ACCSL: variants seen among roughly 807,000 people sequenced by gnomAD.
ACCSL encodes the protein probable inactive 1-aminocyclopropane-1-carboxylate synthase-like protein 2.
A neutral mutation model predicts 61.7 loss-of-function variants in ACCSL; 55 were observed. That is an observed-to-expected ratio of 0.89 (90% confidence interval 0.72 to 1.12). The LOEUF is 1.12. Among genes scored for constraint, ACCSL ranks in the 50% most tolerant of loss-of-function variants. ACCSL has a pLI of 0.00. For missense variants in ACCSL, 632 were observed against 698.0 expected (o/e 0.91, Z 1.07); for synonymous variants, 258 against 264.3 (o/e 0.98, Z 0.23).
intron 13 of ACCSL, 80 bp from the exon 14 acceptor site, chr11:44,059,757 AC>A: frequency 8.5e-7 from 1 of 1,181,186 alleles, no homozygotes; most frequent in Non-Finnish European, 1.2e-6. Flanking sequence ...TTTATGGTTG[AC>A]CATGACCTGG....
At chr11:44,037,089 T>C in the ACCSL span, among the ~76,000 whole-genome samples, 4 of 152,180 alleles carry the variant, frequency 2.6e-5, no homozygotes, top group African/African-American at 9.7e-5. Context: ...ATTCTCCTCC[T>C]TTCCCCATCT....
the ACCSL span, among the ~76,000 whole-genome samples, chr11:43,939,568 C>T: frequency 1.3e-5 from 2 of 151,204 alleles, no homozygotes; most frequent in Non-Finnish European, 2.9e-5. Flanking sequence ...GTGTCAATGG[C>T]ACCACCATCA....
At chr11:43,961,255 G>C in the ACCSL span, among the ~76,000 whole-genome samples, 2 of 152,062 alleles carry the variant, frequency 1.3e-5, no homozygotes, top group Non-Finnish European at 2.9e-5. Context: ...TGAAGATATG[G>C]TGTGCTTACT....
At chr11:43,942,071 T>TGCGC in the ACCSL span, among the ~76,000 whole-genome samples, 1 of 140,464 alleles carries the variant, frequency 7.1e-6, no homozygotes, top group African/African-American at 2.7e-5. Context: ...TGTGTGTGTG[T>TGCGC]GTGTGCGCGC....
At chr11:43,948,390 G>A in the ACCSL span, among the ~76,000 whole-genome samples, 4 of 152,204 alleles carry the variant, frequency 2.6e-5, no homozygotes, top group Non-Finnish European at 5.9e-5. Context: ...TTTTACAGGT[G>A]AGAAAACTGA....
At chr11:44,007,710 A>G in the ACCSL span, among the ~76,000 whole-genome samples, 2 of 152,204 alleles carry the variant, frequency 1.3e-5, no homozygotes, top group Non-Finnish European at 2.9e-5. Context: ...AGAGCGCCTC[A>G]GGGAGGCTCC....
At chr11:43,997,183 C>G in the ACCSL span, among the ~76,000 whole-genome samples, 136 of 152,072 alleles carry the variant, frequency 8.9e-4, 1 homozygote, top group African/African-American at 3.2e-3. Context: ...GGGGGTTCCC[C>G]AGACCAATTA....
At chr11:44,015,167 G>A in the ACCSL span, among the ~76,000 whole-genome samples, 1 of 152,214 alleles carries the variant, frequency 6.6e-6, no homozygotes, top group African/African-American at 2.4e-5. Context: ...GTTGAATGCT[G>A]ACTACATACC....
At chr11:43,942,515 GGCGA>G in the ACCSL span, 1 of 233,606 alleles carries the variant, frequency 4.3e-6, no homozygotes, top group Non-Finnish European at 8.7e-6. Flanking sequence ...AGAGCGGCGG[GGCGA>G]CGTCAGGCGG....
At chr11:43,934,146 G>C in the ACCSL span, among the ~76,000 whole-genome samples, 1 of 151,946 alleles carries the variant, frequency 6.6e-6, no homozygotes, top group East Asian at 1.9e-4. Context: ...TCTCCCTCTC[G>C]TGCACACTGA....
chr11:44,038,538 C>T, the ACCSL span, among the ~76,000 whole-genome samples: 1 of 151,942 alleles, frequency 6.6e-6, no homozygotes, highest in Non-Finnish European at 1.5e-5. Context: ...GTGCAAAGGC[C>T]CGGGGGAACA....
chr11:44,055,199 C>T lies in ACCSL; in HGVS notation c.1050-3C>T. 3 of 1,581,890 alleles carry T rather than the reference C, an allele frequency of 1.9e-6. No individual in the cohort carries two copies. Among genetic ancestry groups the T allele is most frequent in the East Asian group, 2.3e-5 (1 of 44,402 alleles). On this transcript the variant is annotated splice_polypyrimidine_tract_variant and splice_region_variant and intron_variant, in intron 8 of 13. Transcript: ENST00000378832. The stretch of plus-strand genomic sequence containing the variant: ...TGTTCTCCTTCTTTCATCTAATCTA[C>T]AGGTATAACCTACATGTGATCATAG...
chr11:44,036,736 C>T, the ACCSL span, among the ~76,000 whole-genome samples: 2 of 150,610 alleles, frequency 1.3e-5, no homozygotes, highest in African/African-American at 2.4e-5. Context: ...GAGTCAAGAT[C>T]GCCCCACTGC....
At chr11:44,033,856 A>T in the ACCSL span, among the ~76,000 whole-genome samples, 1 of 152,098 alleles carries the variant, frequency 6.6e-6, no homozygotes, top group African/African-American at 2.4e-5. Flanking sequence ...TTGAAGAGGT[A>T]TTGGATGCTG....
the ACCSL span, among the ~76,000 whole-genome samples, chr11:43,994,353 A>G: frequency 6.6e-6 from 1 of 152,200 alleles, no homozygotes; most frequent in African/African-American, 2.4e-5. Context: ...TGCAGCTGTT[A>G]TGTTCATGGA....
the ACCSL span, among the ~76,000 whole-genome samples, chr11:43,934,952 G>C: frequency 2.0e-5 from 3 of 152,152 alleles, no homozygotes; most frequent in Non-Finnish European, 2.9e-5. Flanking sequence ...AGGGACGATG[G>C]GGGAGGTGGT....
chr11:43,952,448 G>T, the ACCSL span, among the ~76,000 whole-genome samples: 1 of 152,192 alleles, frequency 6.6e-6, no homozygotes, highest in African/African-American at 2.4e-5. Context: ...CCACAGGCAG[G>T]CAGCCCGGTG....
chr11:44,005,924 A>G, the ACCSL span, among the ~76,000 whole-genome samples: 7 of 152,276 alleles, frequency 4.6e-5, no homozygotes, highest in East Asian at 1.2e-3. Context: ...GTAAACTCCA[A>G]AGATCCGCAA....
the ACCSL span, among the ~76,000 whole-genome samples, chr11:43,993,586 C>T: frequency 6.6e-6 from 1 of 152,162 alleles, no homozygotes; most frequent in African/African-American, 2.4e-5. Flanking sequence ...AAAGCCTTTT[C>T]CCCAACACTT....
Sources: allele counts gnomAD v4.1 joint callset (sites outside exome capture counted in the v4.1 genomes callset), GRCh38; gene constraint gnomAD v4.1.1; transcripts MANE v1.5; gene names NCBI Gene and HGNC (gene_info 2026-07-23, HGNC 2026-07-21).